The following PNMA6E variants were observed in gnomAD, a reference collection of about 807,000 sequenced individuals.
PNMA6E encodes the protein paraneoplastic antigen Ma6E.
For missense variants in PNMA6E, 78 were observed against 50.8 expected (o/e 1.53, Z -1.63); for synonymous variants, 43 against 17.1 (o/e 2.52, Z -3.74).
At chrX:153,402,970 C>T (rs1755657536), upstream of PNMA6E, among the ~76,000 whole-genome samples, 1 of 112,769 alleles carries the variant, frequency 8.9e-6, no homozygotes, top group Non-Finnish European at 1.9e-5. Flanking sequence ...TCACTCATTA[C>T]TCTTTGTTTT....
chrX:153,413,107 C>A, the PNMA6E span, among the ~76,000 whole-genome samples: 3 of 110,924 alleles, frequency 2.7e-5, no homozygotes, highest in African/African-American at 9.8e-5. Flanking sequence ...GCTGATGGGG[C>A]TGAGAGAAGC....
intron 1 of PNMA6E, among the ~76,000 whole-genome samples, chrX:153,399,141 A>C (rs1259525417): frequency 8.9e-6 from 1 of 112,184 alleles, no homozygotes; most frequent in Non-Finnish European, 1.9e-5. Context: ...GTAGTAAGTT[A>C]CTTTTTTTCC....
chrX:153,403,900 C>T (rs1248138890), upstream of PNMA6E: 1 of 106,222 alleles, frequency 9.4e-6, no homozygotes, highest in Non-Finnish European at 1.9e-5. Context: ...GCCATGATCA[C>T]ACCACTGCAC....
chrX:153,402,526 A>G (rs782388767), upstream of PNMA6E, among the ~76,000 whole-genome samples: 50 of 111,773 alleles, frequency 4.5e-4, no homozygotes, highest in African/African-American at 1.6e-3. Context: ...TCTACATGTT[A>G]TAAACCCTAT....
chrX:153,406,939 G>A, the PNMA6E span, among the ~76,000 whole-genome samples: 1 of 112,297 alleles, frequency 8.9e-6, no homozygotes, highest in Non-Finnish European at 1.9e-5. Flanking sequence ...ATGGGAGGTG[G>A]AGGGTGGGCA....
intron 1 of PNMA6E, among the ~76,000 whole-genome samples, chrX:153,400,467 C>A (rs1338195730): frequency 3.6e-5 from 4 of 112,223 alleles, no homozygotes; most frequent in Non-Finnish European, 7.5e-5. Context: ...ACCCAGCTGG[C>A]AGCACTCCAG....
chrX:153,404,658 C>A (rs113039957), upstream of PNMA6E, among the ~76,000 whole-genome samples: 11 of 112,314 alleles, frequency 9.8e-5, no homozygotes, highest in African/African-American at 3.2e-4. Flanking sequence ...CAGTTCTTTT[C>A]TTGGACTCTG....
chrX:153,409,339 C>T, the PNMA6E span, among the ~76,000 whole-genome samples: 2 of 112,930 alleles, frequency 1.8e-5, no homozygotes, highest in Non-Finnish European at 1.9e-5. Context: ...GGAGGCCCTG[C>T]CCCTGCCTAA....
At chrX:153,405,625 C>A (rs1225811731), upstream of PNMA6E, among the ~76,000 whole-genome samples, 1 of 103,736 alleles carries the variant, frequency 9.6e-6, no homozygotes, top group Non-Finnish European at 2.0e-5. Flanking sequence ...CTCTCTCTCT[C>A]TCCCTCACCC....
At chrX:153,406,333 C>T (rs929655274), upstream of PNMA6E, among the ~76,000 whole-genome samples, 36 of 112,488 alleles carry the variant, frequency 3.2e-4, no homozygotes, top group African/African-American at 1.2e-3. Context: ...AGGCGTACCT[C>T]GGGCCTCACA....
In PNMA6E at chrX:153,396,825, G is replaced by C; in HGVS notation, c.*81C>G. ...GCCCTTACTCCTGAATGTGGGGTGA[G>C]GGACTGGCCCTGGCCTGGCCTCTGT... On this transcript the variant is annotated 3_prime_UTR_variant, in exon 2 of 2. Transcript: ENST00000445091. 3 of 296,395 alleles carry C rather than the reference G, an allele frequency of 1.0e-5. No homozygotes were observed. The highest frequency in any genetic ancestry group is 1.8e-5 in the Non-Finnish European group (3 of 170,022). 24.4% of individuals were successfully genotyped at this position (296,395 alleles called of 1,213,427 possible).
chrX:153,412,201 A>G, the PNMA6E span, among the ~76,000 whole-genome samples: 1 of 112,329 alleles, frequency 8.9e-6, no homozygotes, highest in Admixed American at 9.3e-5. Context: ...TGACCAGGTG[A>G]CTGGCATGCC....
At chrX:153,412,526 G>T in the PNMA6E span, among the ~76,000 whole-genome samples, 5 of 112,516 alleles carry the variant, frequency 4.4e-5, no homozygotes, top group Non-Finnish European at 9.4e-5. Flanking sequence ...GGGAAGGGAG[G>T]TCTGGTTGCC....
chrX:153,400,559 A>G (rs781934433), intron 1 of PNMA6E, among the ~76,000 whole-genome samples: 5 of 109,482 alleles, frequency 4.6e-5, no homozygotes, highest in Admixed American at 1.9e-4. Context: ...GGGCCCGACA[A>G]TCCCGCCCTC....
rs1556970500 is a variant in PNMA6E at position 153,397,163 on chromosome X, G to A, written c.1687C>T (p.Pro563Ser). 3.4e-6 allele frequency: 1 copy of A among 296,901 alleles called. No homozygotes were observed. Among genetic ancestry groups the A allele is most frequent in the African/African-American group, 2.7e-5 (1 of 36,759 alleles). 24.5% of individuals were successfully genotyped at this position (296,901 alleles called of 1,213,427 possible). ...APAAGEGESA[P>S]AGPEGLGQAR... ...TGACCTAGGCCTTCGGGGCCTGCAG[G>A]GGCACTTTCACCTTCCCCAGCGGCA... is the stretch of plus-strand genomic sequence containing the variant. The change falls in exon 2 of 2, where the codon CCT (proline) becomes TCT (serine). Residue 563 changes from proline (P) to serine (S), a missense_variant. Coordinates refer to ENST00000445091, the MANE Select transcript of PNMA6E (RefSeq NM_001367770.1).
chrX:153,398,613 G>C lies in PNMA6E; in HGVS notation c.237C>G (p.Pro79=), dbSNP rs1347368746. ...FAEYLNRSLI[P]HQIPGNGGPW... is the part of the protein sequence containing the mutation. ...GCCCCCCATTGCCTGGTATTTGATG[G>C]GGAATCAAGCTTCGGTTTAAATACT... Residue 79 remains proline (P), a synonymous_variant, in exon 2 of 2, where the codon CCC becomes CCG. Transcript: ENST00000445091. The C allele has an allele frequency of 2.9e-6, 1 of 344,083 alleles. No individual in the cohort carries two copies. The highest frequency in any genetic ancestry group is 2.6e-5 in the African/African-American group (1 of 38,150). The allele number at this position is 344,083 out of a possible 1,213,427, so 28.4% of individuals were successfully genotyped here. A position where few individuals can be genotyped will look rare whatever the true frequency, so the allele number is the denominator to read the frequency against.
intron 1 of PNMA6E, among the ~76,000 whole-genome samples, chrX:153,399,852 T>C (rs1225284631): frequency 1.8e-5 from 2 of 112,158 alleles, no homozygotes; most frequent in Admixed American, 1.9e-4. Flanking sequence ...TTATGAGCAC[T>C]GAAAGCAAGA....
chrX:153,405,545 C>T (rs1355362171), upstream of PNMA6E, among the ~76,000 whole-genome samples: 2 of 97,394 alleles, frequency 2.1e-5, no homozygotes, highest in African/African-American at 7.4e-5. Flanking sequence ...GCCCTTTCCT[C>T]CCTCCCTCTC....
rs186032846 is a variant in PNMA6E at position 153,395,894 on chromosome X, T to C, written c.*1012A>G. 9.0e-6 allele frequency: 1 copy of C among 111,250 alleles called. No homozygotes were observed. Among genetic ancestry groups the C allele is most frequent in the Non-Finnish European group, 1.9e-5 (1 of 52,909 alleles). 9.2% of individuals were successfully genotyped at this position (111,250 alleles called of 1,213,427 possible). A position where few individuals can be genotyped will look rare whatever the true frequency, so the allele number is the denominator to read the frequency against. Reference sequence around the variant, plus strand: ...TGGACTCTGGCAGTGTCCACTGGCTTCAGGGAGCCCCCTCCTGAGCCCATC... The same window carrying C: ...TGGACTCTGGCAGTGTCCACTGGCTCCAGGGAGCCCCCTCCTGAGCCCATC... On this transcript the variant is annotated 3_prime_UTR_variant, in exon 2 of 2. Transcript: ENST00000445091.
Sources: gnomAD v4.1 joint callset for allele counts (sites outside exome capture counted in the v4.1 genomes callset) on GRCh38, gnomAD v4.1.1 for gene constraint, MANE v1.5 for transcripts, NCBI Gene and HGNC (gene_info 2026-07-23, HGNC 2026-07-21) for gene names.